Variants in DCC observed in about 807,000 individuals in gnomAD.
The protein encoded by DCC is DCC netrin 1 receptor.
Under a neutral mutation model 172.5 loss-of-function variants are expected in DCC, and 58 were observed. That is an observed-to-expected ratio of 0.34 (90% CI 0.27 to 0.42). The LOEUF is 0.42. Ranked by LOEUF, DCC falls within the 10% of genes least tolerant of loss-of-function variation. DCC has a pLI of 1.00. For synonymous variants in DCC, 709 were observed against 644.5 expected (o/e 1.10, Z -1.52); for missense variants, 1,740 against 1,791.0 (o/e 0.97, Z 0.51).
intron 2 of DCC, among the ~76,000 whole-genome samples, chr18:52,800,482 G>T (rs529171485): frequency 6.6e-6 from 1 of 152,146 alleles, no homozygotes; most frequent in Admixed American, 6.5e-5. Context: ...TTGATTCAGG[G>T]TATCATTCCT....
At chr18:52,623,508 CTATT>C (rs2144864282) in intron 1 of DCC, among the ~76,000 whole-genome samples, 1 of 152,208 alleles carries the variant, frequency 6.6e-6, no homozygotes, top group South Asian at 2.1e-4. Flanking sequence ...TTATAATTGT[CTATT>C]TATTGCTTTC....
At chr18:53,409,489 A>T (rs1909862422) in intron 19 of DCC, among the ~76,000 whole-genome samples, 1 of 152,194 alleles carries the variant, frequency 6.6e-6, no homozygotes, top group African/African-American at 2.4e-5. Context: ...GATCAGCACG[A>T]CATTTGTTTA....
rs555334386 is a variant in DCC at position 53,283,764 on chromosome 18, G to C, written c.1912-21814G>C. ...AAATCTGCAATTTTCCAAAAACAAA[G>C]AACATGTGTCATGATTATCACTTGT... On this transcript the variant is annotated intron_variant, in intron 12 of 28. Coordinates refer to ENST00000442544, the MANE Select transcript of DCC (RefSeq NM_005215.4). Among the ~76,000 whole-genome samples, 22 of 152,254 alleles carry C rather than the reference G, an allele frequency of 1.4e-4. No individual in the cohort carries two copies. The South Asian group carries it at 3.7e-3, about 26-fold the overall frequency.
intron 5 of DCC, among the ~76,000 whole-genome samples, chr18:52,955,306 T>A (rs951256639): frequency 6.6e-5 from 10 of 152,142 alleles, no homozygotes; most frequent in Non-Finnish European, 1.3e-4. Flanking sequence ...GTTCACATCA[T>A]ACAGTATGTA....
At chr18:52,529,596 T>A (rs916839356) in intron 1 of DCC, among the ~76,000 whole-genome samples, 1 of 152,234 alleles carries the variant, frequency 6.6e-6, no homozygotes, top group African/African-American at 2.4e-5. Flanking sequence ...GTGAAGCAGC[T>A]GTTTACTGCA....
At chr18:52,474,405 C>T (rs1989037679) in intron 1 of DCC, among the ~76,000 whole-genome samples, 1 of 152,196 alleles carries the variant, frequency 6.6e-6, no homozygotes, top group African/African-American at 2.4e-5. Flanking sequence ...CCAAATTAGC[C>T]AACTTTTCAT....
intron 5 of DCC, among the ~76,000 whole-genome samples, chr18:53,025,892 A>AAATTAAG: frequency 6.6e-6 from 1 of 151,298 alleles, no homozygotes; most frequent in Non-Finnish European, 1.5e-5. Context: ...AATAAATTAA[A>AAATTAAG]ATGTGGTGTA....
intron 11 of DCC, among the ~76,000 whole-genome samples, chr18:53,212,076 A>G (rs1021512872): frequency 6.6e-5 from 10 of 152,102 alleles, no homozygotes; most frequent in Non-Finnish European, 1.5e-4. Flanking sequence ...TTTGGTCTAT[A>G]AATTCTGTGT....
At chr18:52,530,501 G>A (rs772392498) in intron 1 of DCC, among the ~76,000 whole-genome samples, 33 of 152,274 alleles carry the variant, frequency 2.2e-4, no homozygotes, top group African/African-American at 7.5e-4. Context: ...GAGAATTGTT[G>A]CAGAGCCATA....
At chr18:53,121,217 A>G (rs569273191) in intron 7 of DCC, among the ~76,000 whole-genome samples, 7 of 152,026 alleles carry the variant, frequency 4.6e-5, no homozygotes, top group Non-Finnish European at 8.8e-5. Context: ...AAAATGGGAC[A>G]TTGGAAACAA....
At position 53,077,506 on chromosome 18, in the gene DCC, G is replaced by C. The variant is rs138360940; in HGVS notation, c.1261+11340G>C. ...TCCTCTGGTCCCGTTTTTCCCTGAT[G>C]CCAAATGTAATTCACCCCATGAACT... On this transcript the variant is annotated intron_variant, in intron 7 of 28. Transcript: ENST00000442544. Among the ~76,000 whole-genome samples the C allele has an allele frequency of 8.5e-3, 1,292 of 152,192 alleles. 21 individuals are homozygous for C. The highest frequency in any genetic ancestry group is 0.03 in the African/African-American group (1,245 of 41,528).
intron 2 of DCC, among the ~76,000 whole-genome samples, chr18:52,903,619 T>A (rs906224900): frequency 6.6e-6 from 1 of 152,228 alleles, no homozygotes; most frequent in Non-Finnish European, 1.5e-5. Context: ...CTCACCTACA[T>A]ATATTAAATA....
At chr18:52,453,341 G>A (rs763445022) in intron 1 of DCC, among the ~76,000 whole-genome samples, 1 of 152,168 alleles carries the variant, frequency 6.6e-6, no homozygotes, top group Non-Finnish European at 1.5e-5. Context: ...ACCTTGGTGT[G>A]ACATAATTGA....
At chr18:52,779,897 A>G (rs1433801441) in intron 2 of DCC, among the ~76,000 whole-genome samples, 1 of 152,194 alleles carries the variant, frequency 6.6e-6, no homozygotes, top group East Asian at 1.9e-4. Context: ...CATTTCTCTA[A>G]TGGCATGTCC....
chr18:52,556,109 G>A (rs1451054029), intron 1 of DCC, among the ~76,000 whole-genome samples: 1 of 152,016 alleles, frequency 6.6e-6, no homozygotes, highest in East Asian at 1.9e-4. Flanking sequence ...CTAAGTCCAG[G>A]GAGAAGAATA....
At chr18:52,561,033 T>C (rs2033023496) in intron 1 of DCC, among the ~76,000 whole-genome samples, 1 of 152,148 alleles carries the variant, frequency 6.6e-6, no homozygotes, top group African/African-American at 2.4e-5. Context: ...TCACTTTATA[T>C]CCAGATGTTT....
chr18:52,701,991 G>T (rs2036132269), intron 1 of DCC, among the ~76,000 whole-genome samples: 1 of 152,156 alleles, frequency 6.6e-6, no homozygotes, highest in African/African-American at 2.4e-5. Context: ...ATTGTCCTAT[G>T]CATCTCTTGT....
At chr18:52,430,385 A>G (rs2144465316) in intron 1 of DCC, among the ~76,000 whole-genome samples, 1 of 136,022 alleles carries the variant, frequency 7.4e-6, no homozygotes, top group Non-Finnish European at 1.7e-5. Flanking sequence ...ACATACTTTT[A>G]CAGTACAAGA....
intron 1 of DCC, among the ~76,000 whole-genome samples, chr18:52,643,375 TC>T (rs1478382959): frequency 6.6e-6 from 1 of 152,208 alleles, no homozygotes; most frequent in Admixed American, 6.5e-5. Context: ...TCTCCCTGGT[TC>T]TTTGAGAAAA....
Sources: gnomAD v4.1 joint callset for allele counts (sites outside exome capture counted in the v4.1 genomes callset) on GRCh38, gnomAD v4.1.1 for gene constraint, MANE v1.5 for transcripts, NCBI Gene and HGNC (gene_info 2026-07-23, HGNC 2026-07-21) for gene names.